Variants in EXOC6B observed in about 807,000 individuals in gnomAD.
The protein encoded by EXOC6B is SEC15 homolog B.
A neutral mutation model predicts 113.5 loss-of-function variants in EXOC6B; 54 were observed. The ratio of observed to expected loss-of-function variants is 0.48; its 90% CI spans 0.38 to 0.60. The LOEUF (loss-of-function observed/expected upper bound fraction) is 0.60. Ranked by LOEUF, EXOC6B falls within the 20% of genes least tolerant of loss-of-function variation. The pLI is 0.00. For synonymous variants in EXOC6B, 357 were observed against 339.0 expected, an observed-to-expected ratio of 1.05 and a Z score of -0.58; for missense variants, 797 against 977.5, an observed-to-expected ratio of 0.82 and a Z score of 2.46.
At chr2:72,339,944 T>G (rs1688927228) in intron 19 of EXOC6B, among the ~76,000 whole-genome samples, 1 of 152,108 alleles carries the variant, frequency 6.6e-6, no homozygotes, top group African/African-American at 2.4e-5. Context: ...AAACTATTAA[T>G]TTTTCAAAAA....
chr2:72,501,930 T>C lies in EXOC6B; in HGVS notation c.1168-1958A>G, dbSNP rs181923210. 4.0e-3 allele frequency among the ~76,000 whole-genome samples: 604 copies of C among 151,722 alleles called. 4 individuals carry two copies. Among genetic ancestry groups the C allele is most frequent in the Non-Finnish European group, 7.1e-3 (484 of 67,904 alleles). ...CACAAGCCACCACACCTGGTTAATG[T>C]TTTTTTATTTTTTGTAGAGATGGGG... On this transcript the variant is annotated intron_variant, in intron 11 of 21. Transcript: ENST00000272427.
chr2:72,700,579 G>C (rs185515109), intron 6 of EXOC6B, among the ~76,000 whole-genome samples: 15 of 152,272 alleles, frequency 9.9e-5, no homozygotes, highest in African/African-American at 3.6e-4. Context: ...GTTTCAGTTT[G>C]AGAAAATGAA....
chr2:72,790,157 T>C (rs1036368175), intron 1 of EXOC6B, among the ~76,000 whole-genome samples: 2 of 152,186 alleles, frequency 1.3e-5, no homozygotes, highest in African/African-American at 4.8e-5. Context: ...GATAAGGGTA[T>C]TTCCAGCCTC....
At chr2:72,278,809 T>C (rs1412606460) in intron 20 of EXOC6B, among the ~76,000 whole-genome samples, 2 of 152,148 alleles carry the variant, frequency 1.3e-5, no homozygotes, top group African/African-American at 2.4e-5. Flanking sequence ...CCTAGGTACA[T>C]AAAGGGTTAA....
intron 18 of EXOC6B, among the ~76,000 whole-genome samples, chr2:72,396,286 A>G (rs922814307): frequency 6.6e-6 from 1 of 152,158 alleles, no homozygotes; most frequent in African/African-American, 2.4e-5. Flanking sequence ...ATCTGTGTGA[A>G]AGCACCAAAA....
intron 8 of EXOC6B, among the ~76,000 whole-genome samples, chr2:72,548,273 C>T (rs1703015534): frequency 6.6e-6 from 1 of 152,134 alleles, no homozygotes; most frequent in Non-Finnish European, 1.5e-5. Flanking sequence ...AATCTGACCT[C>T]CTGTTACAAT....
chr2:72,817,974 T>C (rs1559027322), intron 1 of EXOC6B, among the ~76,000 whole-genome samples: 1 of 152,092 alleles, frequency 6.6e-6, no homozygotes, highest in African/African-American at 2.4e-5. Context: ...TTGTTGTTGT[T>C]GTTGTCATTG....
chr2:72,182,166 C>T (rs1436080957), intron 21 of EXOC6B, among the ~76,000 whole-genome samples: 5 of 152,160 alleles, frequency 3.3e-5, no homozygotes, highest in African/African-American at 7.2e-5. Flanking sequence ...AGCTTTTAAA[C>T]TCTTCTGATT....
intron 6 of EXOC6B, among the ~76,000 whole-genome samples, chr2:72,620,225 C>T (rs946738338): frequency 6.6e-6 from 1 of 152,186 alleles, no homozygotes; most frequent in African/African-American, 2.4e-5. Context: ...ACCCAGGAGC[C>T]ACAACAGATC....
intron 20 of EXOC6B, among the ~76,000 whole-genome samples, chr2:72,331,099 T>C (rs1688396693): frequency 6.6e-6 from 1 of 152,084 alleles, no homozygotes; most frequent in Non-Finnish European, 1.5e-5. Context: ...ATTTATTTTG[T>C]AGCAAAAGTC....
intron 1 of EXOC6B, among the ~76,000 whole-genome samples, chr2:72,764,078 T>TA (rs1682911808): frequency 2.0e-5 from 3 of 152,002 alleles, no homozygotes; most frequent in African/African-American, 2.4e-5. Flanking sequence ...GCACTTGTCT[T>TA]AAAAAATTAA....
intron 18 of EXOC6B, among the ~76,000 whole-genome samples, chr2:72,441,465 G>GA (rs1016841898): frequency 2.2e-4 from 32 of 145,234 alleles, no homozygotes; most frequent in East Asian, 8.0e-4. Flanking sequence ...AACTTTTTTT[G>GA]AAAAAAAAAT....
At chr2:72,561,508 T>G (rs747306063) in intron 7 of EXOC6B, among the ~76,000 whole-genome samples, 15 of 152,126 alleles carry the variant, frequency 9.9e-5, no homozygotes, top group Non-Finnish European at 1.6e-4. Context: ...CTCAGAACCA[T>G]AGTTTCACTC....
intron 18 of EXOC6B, among the ~76,000 whole-genome samples, chr2:72,395,779 G>C (rs1171537024): frequency 6.6e-6 from 1 of 152,072 alleles, no homozygotes; most frequent in Non-Finnish European, 1.5e-5. Flanking sequence ...ATCTTCCTCA[G>C]TAGTGAAATG....
intron 18 of EXOC6B, among the ~76,000 whole-genome samples, chr2:72,459,555 C>T (rs1486464276): frequency 6.6e-6 from 1 of 152,098 alleles, no homozygotes. Context: ...TTCTTATACA[C>T]CAATAACAGA....
At chr2:72,378,728 G>A (rs757211216) in intron 19 of EXOC6B, among the ~76,000 whole-genome samples, 28 of 152,166 alleles carry the variant, frequency 1.8e-4, no homozygotes, top group Non-Finnish European at 3.7e-4. Flanking sequence ...GGGCAAGGGT[G>A]TGAGCAGACT....
chr2:72,697,642 C>T (rs1049308816), intron 6 of EXOC6B, among the ~76,000 whole-genome samples: 2 of 152,074 alleles, frequency 1.3e-5, no homozygotes, highest in African/African-American at 4.8e-5. Context: ...CAAGATTGTA[C>T]CACTGCACTC....
intron 18 of EXOC6B, among the ~76,000 whole-genome samples, chr2:72,461,165 A>G (rs945609559): frequency 2.8e-5 from 4 of 140,416 alleles, no homozygotes; most frequent in African/African-American, 1.1e-4. Flanking sequence ...CAATGAGAAC[A>G]CATGGACACA....
intron 20 of EXOC6B, among the ~76,000 whole-genome samples, chr2:72,302,295 T>G (rs1179449382): frequency 6.6e-6 from 1 of 152,222 alleles, no homozygotes; most frequent in African/African-American, 2.4e-5. Context: ...CATGTGGCAA[T>G]GAGAAGAATG....
Sources: gnomAD v4.1 joint callset for allele counts (sites outside exome capture counted in the v4.1 genomes callset) on GRCh38, gnomAD v4.1.1 for gene constraint, MANE v1.5 for transcripts, NCBI Gene and HGNC (gene_info 2026-07-23, HGNC 2026-07-21) for gene names.